Variants in NRCAM observed in about 807,000 individuals in gnomAD.
NRCAM encodes neuronal cell adhesion molecule.
A neutral mutation model predicts 156.5 loss-of-function variants in NRCAM; 83 were observed. The ratio of observed to expected loss-of-function variants is 0.53; its 90% CI spans 0.44 to 0.64. NRCAM has a LOEUF of 0.64. Ranked by LOEUF, NRCAM falls within the 30% of genes least tolerant of loss-of-function variation. The pLI, the probability that NRCAM is intolerant of heterozygous loss-of-function variation, is 0.00. For missense variants in NRCAM, 1,417 were observed against 1,597.3 expected, an observed-to-expected ratio of 0.89 and a Z score of 1.92; for synonymous variants, 538 against 563.9, an observed-to-expected ratio of 0.95 and a Z score of 0.65.
intron 2 of NRCAM, among the ~76,000 whole-genome samples, chr7:108,369,846 A>G (rs1036502914): frequency 1.3e-5 from 2 of 152,150 alleles, no homozygotes; most frequent in African/African-American, 4.8e-5. Context: ...AGGTACTTAG[A>G]ATATAAAATT....
chr7:108,276,103 T>C (rs573289608), intron 3 of NRCAM, among the ~76,000 whole-genome samples: 2 of 152,222 alleles, frequency 1.3e-5, no homozygotes, highest in African/African-American at 2.4e-5. Flanking sequence ...GAGAGGCAGT[T>C]TGTGTGATTT....
At chr7:108,150,843 T>C in intron 32 of NRCAM, 1 of 424,018 alleles carries the variant, frequency 2.4e-6, no homozygotes, top group Non-Finnish European at 4.7e-6. Flanking sequence ...TAAAGATTTA[T>C]TAATCTGGAA....
At chr7:108,402,720 C>T (rs2099796405) in intron 1 of NRCAM, among the ~76,000 whole-genome samples, 1 of 152,178 alleles carries the variant, frequency 6.6e-6, no homozygotes, top group South Asian at 2.1e-4. Context: ...AACCACAGCC[C>T]ACTGTTCAGA....
At chr7:108,438,044 AATT>A (rs1378484649) in intron 1 of NRCAM, among the ~76,000 whole-genome samples, 1 of 151,470 alleles carries the variant, frequency 6.6e-6, no homozygotes, top group Non-Finnish European at 1.5e-5. Flanking sequence ...AAAAAAAAAA[AATT>A]AATTAATTAA....
At chr7:108,236,124 G>A (rs540681240) in intron 5 of NRCAM, among the ~76,000 whole-genome samples, 1 of 152,122 alleles carries the variant, frequency 6.6e-6, no homozygotes, top group East Asian at 1.9e-4. Flanking sequence ...CTCAGTAACT[G>A]CCCACTGTTC....
At chr7:108,332,126 T>G (rs1345468247) in intron 2 of NRCAM, among the ~76,000 whole-genome samples, 1 of 152,148 alleles carries the variant, frequency 6.6e-6, no homozygotes, top group Non-Finnish European at 1.5e-5. Flanking sequence ...GTCACGTCAT[T>G]TGAGGAAAGT....
At chr7:108,302,498 T>C (rs1364641432) in intron 3 of NRCAM, among the ~76,000 whole-genome samples, 1 of 152,194 alleles carries the variant, frequency 6.6e-6, no homozygotes, top group East Asian at 1.9e-4. Flanking sequence ...CCATTTAAGA[T>C]GTCCAACTGA....
chr7:108,301,303 T>C (rs996544305), intron 3 of NRCAM, among the ~76,000 whole-genome samples: 4 of 152,196 alleles, frequency 2.6e-5, no homozygotes, highest in Admixed American at 6.5e-5. Context: ...TTCAGAACAA[T>C]GGCAAGCAAA....
At chr7:108,152,340 CA>C (rs2042146999) in intron 32 of NRCAM, among the ~76,000 whole-genome samples, 1 of 151,298 alleles carries the variant, frequency 6.6e-6, no homozygotes, top group South Asian at 2.1e-4. Context: ...GCAGGAGTAA[CA>C]AGCAGTATAA....
At chr7:108,222,141 T>C (rs560848267) in intron 11 of NRCAM, among the ~76,000 whole-genome samples, 2 of 152,330 alleles carry the variant, frequency 1.3e-5, no homozygotes, top group East Asian at 1.9e-4. Flanking sequence ...TATTTCCTTA[T>C]AGTCAGACTA....
At position 108,283,928 on chromosome 7, in the gene NRCAM, C is replaced by T. The variant is rs992774111; in HGVS notation, c.-107+28737G>A. ...TGGTGCGATCTTGGCTCACTGCGAC[C>T]TCTGCCTCCTGGGTTCAAGTGATTA... is the stretch of plus-strand genomic sequence containing the variant. On this transcript the variant is annotated intron_variant, in intron 3 of 32. Transcript: ENST00000379028. Among the ~76,000 whole-genome samples, 3 of 152,100 alleles carry T rather than the reference C, an allele frequency of 2.0e-5. 1 individual carries two copies. The highest frequency in any genetic ancestry group is 2.4e-5 in the African/African-American group (1 of 41,416).
chr7:108,434,764 G>A (rs1172219748), intron 1 of NRCAM, among the ~76,000 whole-genome samples: 1 of 152,094 alleles, frequency 6.6e-6, no homozygotes, highest in African/African-American at 2.4e-5. Flanking sequence ...AGACACAGGG[G>A]CAAACCTTAA....
At chr7:108,372,393 A>G (rs1263487907) in intron 2 of NRCAM, among the ~76,000 whole-genome samples, 1 of 152,118 alleles carries the variant, frequency 6.6e-6, no homozygotes, top group African/African-American at 2.4e-5. Context: ...TGTACAGGAA[A>G]GGAAATTATC....
At chr7:108,321,270 G>A (rs1042155895) in intron 2 of NRCAM, among the ~76,000 whole-genome samples, 7 of 152,092 alleles carry the variant, frequency 4.6e-5, no homozygotes, top group Non-Finnish European at 1.0e-4. Flanking sequence ...GTTCATTTCC[G>A]TTGCTTTAAA....
Position 108,176,679 on chromosome 7 carries a change from T to C in NRCAM, c.2975-73A>G, listed in dbSNP as rs187296374. The C allele has an allele frequency of 3.4e-6, 4 of 1,176,562 alleles. No individual in the cohort carries two copies. The East Asian group carries it at 9.8e-5, about 29-fold the overall frequency. The allele number at this position is 1,176,562 out of a possible 1,614,324, so 72.9% of individuals were successfully genotyped here. A position where few individuals can be genotyped will look rare whatever the true frequency, so the allele number is the denominator to read the frequency against. On this transcript the variant is annotated intron_variant, in intron 26 of 32. Coordinates refer to ENST00000379028, the MANE Select transcript of NRCAM (RefSeq NM_001037132.4). ...AGGAATACTATTATAAATAAATACG[T>C]CAACTAAAAATGTTCAACCTGGCTT...
At chr7:108,234,358 G>A (rs2094667190) in intron 6 of NRCAM, among the ~76,000 whole-genome samples, 1 of 152,130 alleles carries the variant, frequency 6.6e-6, no homozygotes, top group African/African-American at 2.4e-5. Flanking sequence ...TTAGGGATAT[G>A]CAGGACCCAA....
Position 108,387,844 on chromosome 7 carries a change from T to G in NRCAM, c.-174+11592A>C, listed in dbSNP as rs561164280. 2.6e-5 allele frequency among the ~76,000 whole-genome samples: 4 copies of G among 152,202 alleles called. No homozygotes were observed. In the South Asian group the frequency reaches 8.3e-4, roughly 32 times the overall value. On this transcript the variant is annotated intron_variant, in intron 2 of 32. Coordinates refer to ENST00000379028, the MANE Select transcript of NRCAM (RefSeq NM_001037132.4). The stretch of plus-strand genomic sequence containing the variant: ...TGTCCTTGTGATAGTTTGCTGAGAA[T>G]GATGGTTTCCAGCTTCATCCATGTC...
chr7:108,208,346 A>G (rs1457752586), intron 12 of NRCAM, among the ~76,000 whole-genome samples: 1 of 152,118 alleles, frequency 6.6e-6, no homozygotes, highest in African/African-American at 2.4e-5. Context: ...TGAGCCCTGT[A>G]GAATATATAT....
intron 2 of NRCAM, among the ~76,000 whole-genome samples, chr7:108,368,014 C>T (rs2099602431): frequency 1.3e-5 from 2 of 152,064 alleles, no homozygotes; most frequent in Non-Finnish European, 2.9e-5. Context: ...CACCATTATG[C>T]CTTTTAACCA....
Sources: allele counts gnomAD v4.1 joint callset (sites outside exome capture counted in the v4.1 genomes callset), GRCh38; gene constraint gnomAD v4.1.1; transcripts MANE v1.5; gene names NCBI Gene and HGNC (gene_info 2026-07-23, HGNC 2026-07-21).